The following PDE1C variants were observed in gnomAD, a reference collection of about 807,000 sequenced individuals.
PDE1C encodes the protein dual specificity calcium/calmodulin-dependent 3',5'-cyclic nucleotide phosphodiesterase 1C.
Under a neutral mutation model 93.1 loss-of-function variants are expected in PDE1C, and 62 were observed. The ratio of observed to expected loss-of-function variants is 0.67; its 90% CI spans 0.54 to 0.82. PDE1C has a LOEUF of 0.82. Ranked by LOEUF, PDE1C falls within the 40% of genes least tolerant of loss-of-function variation. PDE1C has a pLI of 0.00. For missense variants in PDE1C, 742 were observed against 884.6 expected, an observed-to-expected ratio of 0.84 and a Z score of 2.04; for synonymous variants, 325 against 310.1, an observed-to-expected ratio of 1.05 and a Z score of -0.50.
chr7:32,324,594 T>A (rs1416096845), intron 1 of PDE1C, among the ~76,000 whole-genome samples: 1 of 152,218 alleles, frequency 6.6e-6, no homozygotes, highest in East Asian at 1.9e-4. Context: ...ATAAGCTTAA[T>A]CAATGCTGAG....
intron 3 of PDE1C, among the ~76,000 whole-genome samples, chr7:32,101,278 C>T (rs977154519): frequency 1.3e-5 from 2 of 152,146 alleles, no homozygotes; most frequent in Non-Finnish European, 2.9e-5. Flanking sequence ...ACCGGATACC[C>T]AAGATATATT....
chr7:32,035,569 A>G (rs1790954812), intron 2 of PDE1C, among the ~76,000 whole-genome samples: 1 of 152,166 alleles, frequency 6.6e-6, no homozygotes, highest in African/African-American at 2.4e-5. Flanking sequence ...AAGAAATTAT[A>G]TTTTCTGATC....
chr7:32,269,722 TC>T, intron 1 of PDE1C, among the ~76,000 whole-genome samples: 1 of 151,972 alleles, frequency 6.6e-6, no homozygotes, highest in Non-Finnish European at 1.5e-5. Context: ...TCATGATCTG[TC>T]CGCCTCGGCC....
At chr7:31,796,196 T>C (rs1302665586) in intron 16 of PDE1C, among the ~76,000 whole-genome samples, 1 of 150,334 alleles carries the variant, frequency 6.7e-6, no homozygotes, top group East Asian at 2.0e-4. Context: ...ATATATGATA[T>C]ATATTAATAT....
At chr7:31,771,909 G>A (rs1404292524) in intron 17 of PDE1C, among the ~76,000 whole-genome samples, 1 of 152,036 alleles carries the variant, frequency 6.6e-6, no homozygotes, top group Non-Finnish European at 1.5e-5. Flanking sequence ...AGCTGGGCGT[G>A]GTGGTGGGTG....
chr7:32,213,402 C>T (rs1347854902), intron 1 of PDE1C, among the ~76,000 whole-genome samples: 2 of 152,188 alleles, frequency 1.3e-5, no homozygotes, highest in East Asian at 3.8e-4. Context: ...TTGGACTATA[C>T]ACTCTGCATG....
At chr7:31,975,719 G>C (rs1811581888) in intron 2 of PDE1C, among the ~76,000 whole-genome samples, 1 of 152,192 alleles carries the variant, frequency 6.6e-6, no homozygotes, top group Non-Finnish European at 1.5e-5. Context: ...TCTGTAAAGT[G>C]GAGGTATAAC....
intron 1 of PDE1C, among the ~76,000 whole-genome samples, chr7:32,236,519 A>G (rs1585007074): frequency 6.6e-6 from 1 of 151,194 alleles, no homozygotes; most frequent in Admixed American, 6.6e-5. Flanking sequence ...TACATAGAAG[A>G]TACACAGTAG....
Position 31,883,723 on chromosome 7 carries a change from A to G in PDE1C, c.129-2863T>C, listed in dbSNP as rs144573430. On this transcript the variant is annotated intron_variant, in intron 2 of 17. Transcript: ENST00000396191. ...ATCAGGGGGCTGGGACCCCAGGGCC[A>G]GAAGAGGAGTGGGGCCTTCAGGGAA... Among the ~76,000 whole-genome samples the G allele has an allele frequency of 9.9e-3, 1,515 of 152,344 alleles. 14 individuals are homozygous for G. The highest frequency in any genetic ancestry group is 0.018 in the Non-Finnish European group (1,197 of 68,034).
intron 2 of PDE1C, among the ~76,000 whole-genome samples, chr7:32,026,923 A>G (rs1007514118): frequency 2.0e-5 from 3 of 152,152 alleles, no homozygotes; most frequent in Non-Finnish European, 4.4e-5. Flanking sequence ...TGAAAAGGCT[A>G]TATGCTGTAT....
intron 2 of PDE1C, among the ~76,000 whole-genome samples, chr7:31,921,551 C>A (rs1802623391): frequency 6.6e-6 from 1 of 152,154 alleles, no homozygotes; most frequent in African/African-American, 2.4e-5. Context: ...TCCAGTTCTT[C>A]CAGTGATTTT....
At chr7:32,103,082 G>C (rs2128751057) in intron 3 of PDE1C, among the ~76,000 whole-genome samples, 1 of 152,304 alleles carries the variant, frequency 6.6e-6, no homozygotes, top group East Asian at 1.9e-4. Context: ...GAGGTTGTCA[G>C]TTAAATAACA....
At chr7:32,425,198 C>A (rs867138514) in intron 1 of PDE1C, among the ~76,000 whole-genome samples, 4 of 152,158 alleles carry the variant, frequency 2.6e-5, no homozygotes, top group Middle Eastern at 3.4e-3. Context: ...AGTTTACTCC[C>A]AGGTTCTCTG....
chr7:31,767,336 T>G (rs116145730), intron 17 of PDE1C, among the ~76,000 whole-genome samples: 1,974 of 152,232 alleles, frequency 0.013, 43 homozygotes, highest in African/African-American at 0.046. Flanking sequence ...TGGGAGGTGA[T>G]TTGATCATGG....
chr7:32,197,639 A>G (rs1485991286), intron 2 of PDE1C, among the ~76,000 whole-genome samples: 2 of 152,216 alleles, frequency 1.3e-5, no homozygotes, highest in African/African-American at 4.8e-5. Context: ...TTGCTTACAC[A>G]TGTTACAACA....
intron 2 of PDE1C, among the ~76,000 whole-genome samples, chr7:31,949,887 CT>C (rs1327208147): frequency 2.6e-5 from 4 of 152,122 alleles, no homozygotes; most frequent in African/African-American, 9.7e-5. Context: ...TAAACAGTTG[CT>C]AGTTTACTTT....
the PDE1C span, chr7:31,695,389 G>A: frequency 1.5e-6 from 2 of 1,315,480 alleles, no homozygotes; most frequent in Non-Finnish European, 1.0e-6. Context: ...GTCATCAAGT[G>A]CAATTAGGAA....
Position 32,392,520 on chromosome 7 carries a change from T to C in PDE1C, c.310+35302A>G, listed in dbSNP as rs539992416. Among the ~76,000 whole-genome samples, 35 of 152,110 alleles carry C rather than the reference T, an allele frequency of 2.3e-4. 1 individual carries two copies. Among genetic ancestry groups the C allele is most frequent in the Middle Eastern group, 3.4e-3 (1 of 294 alleles). ...AAACTACACCAATATCCCTCATGAATAGAGACACAAAAATCCCCAACAAAA... is the reference window on the plus strand; with the variant it reads ...AAACTACACCAATATCCCTCATGAACAGAGACACAAAAATCCCCAACAAAA... On this transcript the variant is annotated intron_variant, in intron 1 of 1. Transcript: ENST00000672256.
At chr7:32,256,758 G>T (rs892521588) in intron 1 of PDE1C, among the ~76,000 whole-genome samples, 4 of 152,208 alleles carry the variant, frequency 2.6e-5, no homozygotes, top group Non-Finnish European at 4.4e-5. Flanking sequence ...CTGTAAGACA[G>T]AGGCAATAAC....
Sources: gnomAD v4.1 joint callset for allele counts (sites outside exome capture counted in the v4.1 genomes callset) on GRCh38, gnomAD v4.1.1 for gene constraint, MANE v1.5 for transcripts, NCBI Gene and HGNC (gene_info 2026-07-23, HGNC 2026-07-21) for gene names.